Variants in NUP98 observed in about 807,000 individuals in gnomAD.
The protein encoded by NUP98 is nuclear pore complex protein Nup98-Nup96.
NUP98 carries 26 observed loss-of-function variants against 191.9 expected under a neutral mutation model. The observed-to-expected ratio is 0.14, with a 90% CI of 0.10 to 0.19. The LOEUF (loss-of-function observed/expected upper bound fraction) is 0.19. NUP98 is among the 10% of genes least tolerant of loss of function. NUP98 has a pLI of 1.00. For synonymous variants in NUP98, 808 were observed against 778.4 expected (o/e 1.04, Z -0.63); for missense variants, 1,941 against 2,178.8 (o/e 0.89, Z 2.17).
intron 1 of NUP98, among the ~76,000 whole-genome samples, chr11:3,784,926 C>T (rs1242245282): frequency 6.6e-6 from 1 of 152,072 alleles, no homozygotes; most frequent in African/African-American, 2.4e-5. Context: ...CACCTGAGAC[C>T]AGGAGTTCGA....
chr11:3,715,106 T>C (rs2079138201), intron 18 of NUP98, among the ~76,000 whole-genome samples: 1 of 152,200 alleles, frequency 6.6e-6, no homozygotes, highest in African/African-American at 2.4e-5. Flanking sequence ...TTCCCACCAA[T>C]GGTGCACAAA....
intron 6 of NUP98, 83 bp from the exon 7 acceptor site, chr11:3,772,011 T>G: frequency 8.5e-7 from 1 of 1,180,612 alleles, no homozygotes. Flanking sequence ...GAATTTAGTA[T>G]TCAAGTTCTA....
chr11:3,773,858 T>A (rs754383961), intron 5 of NUP98, 119 bp from the exon 6 acceptor site: 5 of 587,976 alleles, frequency 8.5e-6, no homozygotes, highest in Admixed American at 6.3e-5. Flanking sequence ...TATACTGAGA[T>A]GGTTTCAAGG....
intron 17 of NUP98, among the ~76,000 whole-genome samples, chr11:3,720,079 A>T (rs1226984601): frequency 2.0e-5 from 3 of 152,052 alleles, no homozygotes; most frequent in Non-Finnish European, 4.4e-5. Context: ...GCATTTTTAT[A>T]AAACTCCCAT....
intron 11 of NUP98, among the ~76,000 whole-genome samples, chr11:3,748,042 G>C (rs1219193659): frequency 6.6e-6 from 1 of 152,128 alleles, no homozygotes; most frequent in African/African-American, 2.4e-5. Flanking sequence ...TTATAGGAGA[G>C]GCATGTATAA....
intron 28 of NUP98, among the ~76,000 whole-genome samples, chr11:3,687,126 G>T (rs1053040595): frequency 3.3e-5 from 5 of 152,042 alleles, no homozygotes; most frequent in African/African-American, 7.2e-5. Flanking sequence ...TAGAGATGGG[G>T]TCTCATTATA....
intron 7 of NUP98, among the ~76,000 whole-genome samples, chr11:3,770,042 C>CAAAA (rs35812990): frequency 7.7e-6 from 1 of 129,200 alleles, no homozygotes; most frequent in Non-Finnish European, 1.7e-5. Flanking sequence ...AACTCCATCT[C>CAAAA]AAAAAAAAAA....
At chr11:3,734,607 C>A (rs541108780) in intron 13 of NUP98, among the ~76,000 whole-genome samples, 1 of 152,328 alleles carries the variant, frequency 6.6e-6, no homozygotes, top group South Asian at 2.1e-4. Context: ...AAAGACTACA[C>A]TTTTAACACC....
chr11:3,744,428 G>C, intron 12 of NUP98, 81 bp downstream of exon 12: 1 of 1,389,836 alleles, frequency 7.2e-7, no homozygotes, highest in South Asian at 1.4e-5. Context: ...GGTAGGAATG[G>C]GACAGGTGTA....
chr11:3,753,113 A>G (rs1036162615), intron 11 of NUP98, among the ~76,000 whole-genome samples: 12 of 152,228 alleles, frequency 7.9e-5, no homozygotes, highest in African/African-American at 2.9e-4. Flanking sequence ...TAGAAAAGGG[A>G]GCATACAGCT....
intron 28 of NUP98, among the ~76,000 whole-genome samples, chr11:3,688,655 C>T (rs1027651884): frequency 1.5e-4 from 22 of 150,248 alleles, no homozygotes; most frequent in South Asian, 6.3e-4. Flanking sequence ...ATTAGCTGGG[C>T]TTTGTGGCGC....
intron 11 of NUP98, among the ~76,000 whole-genome samples, chr11:3,745,979 A>C (rs1372035878): frequency 6.6e-6 from 1 of 152,158 alleles, no homozygotes; most frequent in East Asian, 1.9e-4. Flanking sequence ...ATTAAAAATA[A>C]GACAACAGGG....
rs932594916 is a variant in NUP98, at chr11:3,761,632, G to A, written c.1087-1006C>T. ...AAATCAGCTGGGCGCAGTGGCGGGC[G>A]CCTGTAATCCCAGCTACTCGGGAGG... On this transcript the variant is annotated intron_variant, in intron 9 of 32. Coordinates refer to ENST00000324932, the MANE Select transcript of NUP98 (RefSeq NM_016320.5). Among the ~76,000 whole-genome samples the A allele has an allele frequency of 3.3e-5, 5 of 152,084 alleles. No individual in the cohort carries two copies. The East Asian group carries it at 7.7e-4, about 23-fold the overall frequency.
At chr11:3,678,562 G>A (rs188064473) in intron 31 of NUP98, among the ~76,000 whole-genome samples, 6 of 152,192 alleles carry the variant, frequency 3.9e-5, no homozygotes, top group East Asian at 1.9e-4. Flanking sequence ...AGAAGTAGGG[G>A]TAACAGCAAC....
intron 5 of NUP98, 30 bp from the exon 6 acceptor site, chr11:3,773,769 G>T: frequency 1.4e-6 from 2 of 1,391,346 alleles, no homozygotes; most frequent in Non-Finnish European, 1.0e-6. Flanking sequence ...CAAATTTGTA[G>T]GTCCAAGTTT....
At chr11:3,685,433 C>A (rs979857778) in intron 29 of NUP98, among the ~76,000 whole-genome samples, 1 of 152,158 alleles carries the variant, frequency 6.6e-6, no homozygotes, top group Non-Finnish European at 1.5e-5. Context: ...ACTTCCCTGC[C>A]GTGGAGTCAC....
intron 18 of NUP98, 77 bp from the exon 19 acceptor site, chr11:3,714,072 C>T (rs1165024619): frequency 7.5e-7 from 1 of 1,340,362 alleles, no homozygotes; most frequent in Admixed American, 2.0e-5. Flanking sequence ...CCACCTAACA[C>T]ATAAATAGTG....
At chr11:3,769,575 CAAAAAAAAAA>C (rs34035817) in intron 7 of NUP98, among the ~76,000 whole-genome samples, 1 of 61,694 alleles carries the variant, frequency 1.6e-5, no homozygotes, top group South Asian at 6.3e-4. Flanking sequence ...GATTCTGTCT[CAAAAAAAAAA>C]AAAAAAAAAA....
chr11:3,716,573 G>A (rs879625288), intron 18 of NUP98, among the ~76,000 whole-genome samples: 2 of 152,096 alleles, frequency 1.3e-5, no homozygotes, highest in African/African-American at 4.8e-5. Context: ...GCCGGGCGTG[G>A]TGGTGCATCT....
Sources: allele counts gnomAD v4.1 joint callset (sites outside exome capture counted in the v4.1 genomes callset), GRCh38; gene constraint gnomAD v4.1.1; transcripts MANE v1.5; gene names NCBI Gene and HGNC (gene_info 2026-07-23, HGNC 2026-07-21).